The following GNL3L variants were observed in gnomAD, a reference collection of about 807,000 sequenced individuals.
GNL3L encodes the protein G protein nucleolar 3 like, also known as guanine nucleotide-binding protein-like 3-like protein.
GNL3L carries 4 observed loss-of-function variants against 42.9 expected under a neutral mutation model. The observed-to-expected ratio is 0.09, with a 90% confidence interval of 0.05 to 0.21. GNL3L has a LOEUF of 0.21. Ranked by LOEUF, GNL3L falls within the 10% of genes least tolerant of loss-of-function variation. GNL3L has a pLI of 1.00. For missense variants in GNL3L, 412 were observed against 481.7 expected (o/e 0.86, Z 1.36); for synonymous variants, 159 against 176.3 (o/e 0.90, Z 0.78).
intron 16 of GNL3L, among the ~76,000 whole-genome samples, chrX:54,597,690 C>T (rs751593274): frequency 1.8e-5 from 2 of 111,572 alleles, no homozygotes; most frequent in Admixed American, 1.9e-4. Context: ...ACACTTTAGC[C>T]ATGGTGGCTA....
At chrX:54,574,735 C>T (rs1270137784) in intron 16 of GNL3L, among the ~76,000 whole-genome samples, 1 of 112,076 alleles carries the variant, frequency 8.9e-6, no homozygotes, top group Non-Finnish European at 1.9e-5. Flanking sequence ...AATTCAGCAG[C>T]AAAGCAAGCT....
intron 7 of GNL3L, among the ~76,000 whole-genome samples, chrX:54,543,659 T>C (rs1272836436): frequency 9.0e-6 from 1 of 111,109 alleles, no homozygotes; most frequent in African/African-American, 3.3e-5. Context: ...GAGTCACTCA[T>C]GTCTAGGGTT....
Position 54,547,462 on chromosome X carries a change from T to C in GNL3L, c.631-767T>C, listed in dbSNP as rs371351456. Reference sequence around the variant, plus strand: ...GCTCATGCCCGTAATCCCAGCACTTTGGGAGGCCAAGGTGGGCAGATTGCT... The same window carrying C: ...GCTCATGCCCGTAATCCCAGCACTTCGGGAGGCCAAGGTGGGCAGATTGCT... On this transcript the variant is annotated intron_variant, in intron 8 of 15. Coordinates refer to ENST00000360845, the MANE Select transcript of GNL3L (RefSeq NM_001184819.2). Among the ~76,000 whole-genome samples the C allele has an allele frequency of 2.9e-4, 32 of 110,443 alleles. No homozygotes were observed. The East Asian group carries it at 5.9e-3, about 20-fold the overall frequency.
At chrX:54,587,356 T>G (rs1488302463) in intron 16 of GNL3L, among the ~76,000 whole-genome samples, 2 of 112,723 alleles carry the variant, frequency 1.8e-5, no homozygotes, top group Non-Finnish European at 3.7e-5. Context: ...GGCATTGAAT[T>G]TTCCTCCTAT....
intron 8 of GNL3L, among the ~76,000 whole-genome samples, chrX:54,544,938 C>A (rs1924730639): frequency 9.0e-6 from 1 of 111,688 alleles, no homozygotes; most frequent in Admixed American, 9.5e-5. Context: ...TTATTTGAGA[C>A]AGAGTCTCAC....
In GNL3L at chrX:54,551,065, G is replaced by A. The variant is rs749235086; in HGVS notation, c.863+15G>A. On this transcript the variant is annotated intron_variant, in intron 10 of 15. Coordinates refer to ENST00000360845, the MANE Select transcript of GNL3L (RefSeq NM_001184819.2). Reference sequence around the variant, plus strand: ...GGAATTACCAAGTAAGCACCTGCCTGCTCCTCCACTCCACAATTCCTTGAC... The same window carrying A: ...GGAATTACCAAGTAAGCACCTGCCTACTCCTCCACTCCACAATTCCTTGAC... The A allele has an allele frequency of 3.4e-6, 3 of 879,239 alleles. No individual in the cohort carries two copies. The South Asian group carries it at 6.0e-5, about 18-fold the overall frequency. The allele number at this position is 879,239 out of a possible 1,213,427, so 72.5% of individuals were successfully genotyped here.
intron 2 of GNL3L, among the ~76,000 whole-genome samples, chrX:54,533,966 T>C (rs1924345136): frequency 9.8e-6 from 1 of 102,376 alleles, no homozygotes; most frequent in Admixed American, 1.0e-4. Flanking sequence ...ATGGAAAAAC[T>C]GTATTGTGTG....
chrX:54,559,674 C>A (rs1925204408), intron 15 of GNL3L, among the ~76,000 whole-genome samples: 1 of 111,713 alleles, frequency 9.0e-6, no homozygotes, highest in Non-Finnish European at 1.9e-5. Flanking sequence ...CAAAAGTCTT[C>A]CCCTTATTTG....
At chrX:54,543,108 G>A (rs779379084) in intron 6 of GNL3L, 70 bp downstream of exon 6, 1 of 1,108,030 alleles carries the variant, frequency 9.0e-7, no homozygotes, top group African/African-American at 1.8e-5. Flanking sequence ...CTCCATTTCT[G>A]TTTTTTCCTG....
chrX:54,591,707 G>A (rs1314591907), intron 16 of GNL3L, among the ~76,000 whole-genome samples: 1 of 111,121 alleles, frequency 9.0e-6, no homozygotes, highest in Non-Finnish European at 1.9e-5. Flanking sequence ...TGCTGTTTTG[G>A]TTACTAAAGC....
intron 2 of GNL3L, among the ~76,000 whole-genome samples, chrX:54,537,134 C>T (rs1405004976): frequency 4.6e-5 from 5 of 108,519 alleles, no homozygotes; most frequent in African/African-American, 1.3e-4. Context: ...CCAGTCCTCC[C>T]GCCTCAGCTT....
intron 2 of GNL3L, among the ~76,000 whole-genome samples, chrX:54,534,088 C>T (rs908559071): frequency 1.2e-5 from 1 of 86,642 alleles, no homozygotes; most frequent in African/African-American, 7.5e-5. Context: ...TCTATGTTGT[C>T]CAGGCTGGGC....
At chrX:54,627,611 T>C in the GNL3L span, among the ~76,000 whole-genome samples, 3 of 111,663 alleles carry the variant, frequency 2.7e-5, no homozygotes, top group Non-Finnish European at 5.6e-5. Context: ...GATTGTTTAC[T>C]TGAAATTTAT....
the GNL3L span, among the ~76,000 whole-genome samples, chrX:54,640,024 T>A: frequency 9.1e-6 from 1 of 109,769 alleles, no homozygotes; most frequent in Admixed American, 9.6e-5. Flanking sequence ...GAGCTGGTAG[T>A]CGAGTGGCCG....
chrX:54,616,627 T>C (rs1011052085), intron 16 of GNL3L, among the ~76,000 whole-genome samples: 1 of 112,073 alleles, frequency 8.9e-6, no homozygotes, highest in Non-Finnish European at 1.9e-5. Flanking sequence ...CATTAAAATA[T>C]TTTTATTTTG....
In GNL3L at chrX:54,563,084, G is replaced by C. The variant is rs1925319631; in HGVS notation, c.*2482G>C. On this transcript the variant is annotated 3_prime_UTR_variant, in exon 16 of 16. Transcript: ENST00000360845. ...TGCTAAAACTATGTGCTCTTGAATA[G>C]GCTACAACTTATTTCACACTATCTC... is the stretch of plus-strand genomic sequence containing the variant. Among the ~76,000 whole-genome samples, 1 of 111,646 alleles carries C rather than the reference G, an allele frequency of 9.0e-6. No individual in the cohort carries two copies. The highest frequency in any genetic ancestry group is 3.7e-4 in the South Asian group (1 of 2,685).
the GNL3L span, among the ~76,000 whole-genome samples, chrX:54,630,655 CTCCTTCTT>C: frequency 2.0e-5 from 1 of 49,434 alleles, no homozygotes; most frequent in Non-Finnish European, 3.4e-5. Context: ...GTTTTCTTTT[CTCCTTCTT>C]TCCTTCCTTC....
At chrX:54,573,607 T>C (rs1925591575) in intron 16 of GNL3L, among the ~76,000 whole-genome samples, 1 of 111,494 alleles carries the variant, frequency 9.0e-6, no homozygotes. Flanking sequence ...TTCACAAATA[T>C]TTTCTTCTGC....
chrX:54,625,024 A>G (rs781729614), downstream of GNL3L, among the ~76,000 whole-genome samples: 92 of 111,287 alleles, frequency 8.3e-4, 1 homozygote, highest in South Asian at 3.4e-3. Flanking sequence ...TAATGACCCT[A>G]TCTACAAATT....
Sources: gnomAD v4.1 joint callset for allele counts (sites outside exome capture counted in the v4.1 genomes callset) on GRCh38, gnomAD v4.1.1 for gene constraint, MANE v1.5 for transcripts, NCBI Gene and HGNC (gene_info 2026-07-23, HGNC 2026-07-21) for gene names.